Variants in PCYT1B observed in about 807,000 individuals in gnomAD.
The protein encoded by PCYT1B is choline-phosphate cytidylyltransferase B.
A neutral mutation model predicts 26.4 loss-of-function variants in PCYT1B; 10 were observed. That is an observed-to-expected ratio of 0.38 (90% CI 0.23 to 0.64). The LOEUF is 0.64. Ranked by LOEUF, PCYT1B falls within the 30% of genes least tolerant of loss-of-function variation. PCYT1B has a pLI of 0.56. For missense variants in PCYT1B, 161 were observed against 292.7 expected (o/e 0.55, Z 3.28); for synonymous variants, 131 against 108.4 (o/e 1.21, Z -1.29).
chrX:24,652,705 C>G (rs774574314), intron 1 of PCYT1B, among the ~76,000 whole-genome samples: 3 of 111,689 alleles, frequency 2.7e-5, no homozygotes, highest in Admixed American at 9.5e-5. Flanking sequence ...GCCATAGAGA[C>G]CTTAACTTCA....
chrX:24,596,948 T>C (rs1345334354), intron 3 of PCYT1B, among the ~76,000 whole-genome samples: 1 of 110,946 alleles, frequency 9.0e-6, no homozygotes, highest in African/African-American at 3.3e-5. Flanking sequence ...ATCCAGCCTT[T>C]CAACCAACAA....
chrX:24,672,169 A>G (rs1225631117), intron 1 of PCYT1B, among the ~76,000 whole-genome samples: 1 of 112,363 alleles, frequency 8.9e-6, no homozygotes, highest in East Asian at 2.8e-4. Flanking sequence ...TCTCAGAATA[A>G]AAGGAATGGG....
At chrX:24,628,941 A>G (rs1357131827) in intron 1 of PCYT1B, among the ~76,000 whole-genome samples, 2 of 111,939 alleles carry the variant, frequency 1.8e-5, no homozygotes, top group Non-Finnish European at 3.8e-5. Context: ...ACATTTCAAC[A>G]TGTATTGGTA....
intron 4 of PCYT1B, among the ~76,000 whole-genome samples, 158 bp from the exon 5 acceptor site, chrX:24,587,477 C>A (rs1406366086): frequency 2.7e-5 from 3 of 111,890 alleles, no homozygotes; most frequent in African/African-American, 9.7e-5. Flanking sequence ...AAATGTATTT[C>A]CAACTATTTT....
At chrX:24,597,281 C>T (rs755908648) in intron 3 of PCYT1B, among the ~76,000 whole-genome samples, 2 of 110,377 alleles carry the variant, frequency 1.8e-5, no homozygotes, top group East Asian at 2.8e-4. Flanking sequence ...TGTGCCACCA[C>T]GCTTGGCTAA....
intron 3 of PCYT1B, among the ~76,000 whole-genome samples, chrX:24,599,993 C>T (rs965236140): frequency 9.0e-6 from 1 of 110,770 alleles, no homozygotes; most frequent in Non-Finnish European, 1.9e-5. Context: ...TGGCAACCTC[C>T]GCTTCCTGGG....
At chrX:24,595,374 C>T (rs920644478) in intron 3 of PCYT1B, among the ~76,000 whole-genome samples, 4 of 110,213 alleles carry the variant, frequency 3.6e-5, no homozygotes, top group South Asian at 3.9e-4. Flanking sequence ...GAATGTGAGG[C>T]CCTAGGCATG....
intron 5 of PCYT1B, among the ~76,000 whole-genome samples, chrX:24,582,059 C>T (rs938711259): frequency 2.7e-5 from 3 of 112,301 alleles, no homozygotes; most frequent in African/African-American, 9.7e-5. Flanking sequence ...CATCTAAACA[C>T]ACGAACATAA....
intron 1 of PCYT1B, among the ~76,000 whole-genome samples, chrX:24,657,524 G>A (rs1337808067): frequency 3.6e-5 from 4 of 112,155 alleles, no homozygotes; most frequent in Non-Finnish European, 5.6e-5. Flanking sequence ...TATGATAAAT[G>A]TACAAGGCCA....
chrX:24,596,591 CAAAA>C (rs1160915316), intron 3 of PCYT1B, among the ~76,000 whole-genome samples: 1 of 53,115 alleles, frequency 1.9e-5, no homozygotes. Context: ...GACTCCATCT[CAAAA>C]AAAAAAAAAA....
chrX:24,650,320 T>A (rs1926737759), upstream of PCYT1B, among the ~76,000 whole-genome samples: 1 of 45,326 alleles, frequency 2.2e-5, no homozygotes. Flanking sequence ...TATGTAGCTT[T>A]TTTTTTTTTT....
intron 1 of PCYT1B, among the ~76,000 whole-genome samples, chrX:24,664,091 T>A (rs1927080535): frequency 9.0e-6 from 1 of 110,705 alleles, no homozygotes; most frequent in African/African-American, 3.3e-5. Flanking sequence ...TTTTTGGTTG[T>A]CATGACTTGG....
intron 5 of PCYT1B, among the ~76,000 whole-genome samples, chrX:24,580,047 C>T (rs757030445): frequency 8.9e-6 from 1 of 112,236 alleles, no homozygotes; most frequent in East Asian, 2.8e-4. Flanking sequence ...TGGTGGTGCA[C>T]GCCTGTGGTC....
At chrX:24,565,059 T>G (rs182241667) in intron 7 of PCYT1B, among the ~76,000 whole-genome samples, 1 of 110,250 alleles carries the variant, frequency 9.1e-6, no homozygotes, top group East Asian at 2.9e-4. Flanking sequence ...CATGTGATGG[T>G]TGCTGGGTGC....
intron 6 of PCYT1B, among the ~76,000 whole-genome samples, chrX:24,578,837 A>T (rs1447008961): frequency 9.0e-6 from 1 of 111,614 alleles, no homozygotes; most frequent in African/African-American, 3.3e-5. Flanking sequence ...AGAGGAGGGA[A>T]GCAAGGAAGC....
chrX:24,661,725 A>C (rs763011978), intron 1 of PCYT1B, among the ~76,000 whole-genome samples: 2 of 112,566 alleles, frequency 1.8e-5, no homozygotes, highest in African/African-American at 6.4e-5. Context: ...TCTAAAAGAC[A>C]TATCAATCAA....
At chrX:24,629,227 A>G (rs1925971832) in intron 1 of PCYT1B, among the ~76,000 whole-genome samples, 1 of 112,013 alleles carries the variant, frequency 8.9e-6, no homozygotes, top group African/African-American at 3.2e-5. Context: ...GGTTAAAACT[A>G]AAACAAGAGC....
chrX:24,670,109 A>AAGG (rs58225489), intron 1 of PCYT1B, among the ~76,000 whole-genome samples: 818 of 24,848 alleles, frequency 0.033, 7 homozygotes, highest in Non-Finnish European at 0.04. Flanking sequence ...AGAAAGAAAG[A>AAGG]AAGAAAGGAA....
intron 7 of PCYT1B, among the ~76,000 whole-genome samples, chrX:24,566,351 AAAT>A (rs1267156551): frequency 5.3e-4 from 60 of 112,325 alleles, no homozygotes; most frequent in African/African-American, 1.9e-3. Context: ...TCAGGTTCTT[AAAT>A]AATATTTCAT....
Sources: gnomAD v4.1 joint callset for allele counts (sites outside exome capture counted in the v4.1 genomes callset) on GRCh38, gnomAD v4.1.1 for gene constraint, MANE v1.5 for transcripts, NCBI Gene and HGNC (gene_info 2026-07-23, HGNC 2026-07-21) for gene names.